Variants in CTNNA3 observed in about 807,000 individuals in gnomAD.
CTNNA3 encodes catenin alpha-3.
Under a neutral mutation model 95.7 loss-of-function variants are expected in CTNNA3, and 76 were observed. The observed-to-expected ratio is 0.79, with a 90% CI of 0.66 to 0.96. The LOEUF is 0.96. CTNNA3 is among the 40% of genes least tolerant of loss of function. CTNNA3 has a pLI of 0.00. For synonymous variants in CTNNA3, 431 were observed against 374.4 expected (o/e 1.15, Z -1.74); for missense variants, 1,191 against 1,089.8 (o/e 1.09, Z -1.31).
At chr10:67,675,303 G>A (rs1288427252) in intron 1 of CTNNA3, among the ~76,000 whole-genome samples, 4 of 152,030 alleles carry the variant, frequency 2.6e-5, no homozygotes, top group Non-Finnish European at 5.9e-5. Context: ...CTGAGGTTTA[G>A]AACTCAGTGG....
chr10:66,703,126 T>C (rs1848008762), intron 9 of CTNNA3, among the ~76,000 whole-genome samples: 1 of 152,168 alleles, frequency 6.6e-6, no homozygotes, highest in South Asian at 2.1e-4. Context: ...TTTTTCTCAG[T>C]TGGCCCACAG....
At chr10:67,558,504 G>A (rs1169177688) in intron 3 of CTNNA3, among the ~76,000 whole-genome samples, 1 of 152,202 alleles carries the variant, frequency 6.6e-6, no homozygotes, top group African/African-American at 2.4e-5. Flanking sequence ...AATGCGGCTG[G>A]CAGCCAAGAT....
chr10:67,530,056 A>G (rs559457302), intron 4 of CTNNA3, among the ~76,000 whole-genome samples: 2 of 152,290 alleles, frequency 1.3e-5, no homozygotes, highest in South Asian at 4.1e-4. Context: ...TGCTTCCACC[A>G]TGATTGTGTA....
chr10:66,832,630 CAA>C (rs1166376343), intron 7 of CTNNA3, among the ~76,000 whole-genome samples: 2 of 130,922 alleles, frequency 1.5e-5, no homozygotes, highest in Non-Finnish European at 1.7e-5. Context: ...TATCAATTTT[CAA>C]AAAAAAAAAA....
intron 1 of CTNNA3, among the ~76,000 whole-genome samples, chr10:67,734,499 G>C (rs1841292031): frequency 6.6e-6 from 1 of 152,158 alleles, no homozygotes; most frequent in South Asian, 2.1e-4. Flanking sequence ...TAACATGAAA[G>C]ATTGTACCTA....
intron 1 of CTNNA3, among the ~76,000 whole-genome samples, chr10:67,653,782 T>TCCTC (rs1452800883): frequency 3.9e-5 from 6 of 152,000 alleles, no homozygotes; most frequent in Non-Finnish European, 7.4e-5. Context: ...CCACCCCCTA[T>TCCTC]CCTCATGCTT....
At chr10:67,526,650 T>A (rs1255884536) in intron 4 of CTNNA3, among the ~76,000 whole-genome samples, 1 of 152,184 alleles carries the variant, frequency 6.6e-6, no homozygotes, top group Non-Finnish European at 1.5e-5. Flanking sequence ...TCAACAAATA[T>A]TTATCAATGA....
chr10:66,923,831 T>C (rs999804879), intron 7 of CTNNA3, among the ~76,000 whole-genome samples: 6 of 152,242 alleles, frequency 3.9e-5, no homozygotes, highest in African/African-American at 1.4e-4. Context: ...ACATAATCAG[T>C]TATACTATAT....
intron 7 of CTNNA3, among the ~76,000 whole-genome samples, chr10:67,011,973 C>A (rs1421003803): frequency 6.6e-6 from 1 of 152,152 alleles, no homozygotes; most frequent in African/African-American, 2.4e-5. Context: ...ACCAACATTA[C>A]CTCCTCTGTC....
intron 1 of CTNNA3, among the ~76,000 whole-genome samples, chr10:67,705,758 C>T (rs1351768838): frequency 6.7e-6 from 1 of 148,272 alleles, no homozygotes; most frequent in Non-Finnish European, 1.5e-5. Flanking sequence ...TGCACATGTA[C>T]CCTAAAACTT....
chr10:66,255,891 T>C (rs111877371), intron 13 of CTNNA3, among the ~76,000 whole-genome samples: 48 of 152,330 alleles, frequency 3.2e-4, no homozygotes, highest in African/African-American at 1.1e-3. Flanking sequence ...ATTTCCTTTG[T>C]TTTAACGTGG....
chr10:67,213,038 A>G (rs928903301), intron 6 of CTNNA3, among the ~76,000 whole-genome samples: 10 of 151,840 alleles, frequency 6.6e-5, no homozygotes, highest in African/African-American at 2.4e-4. Context: ...TATTCCTGGA[A>G]GGGTTTATAG....
chr10:66,428,849 A>G (rs1321280614), intron 11 of CTNNA3, among the ~76,000 whole-genome samples: 8 of 151,852 alleles, frequency 5.3e-5, no homozygotes, highest in Non-Finnish European at 5.9e-5. Flanking sequence ...AAGAACTAGA[A>G]AAGCAAGAGC....
At chr10:66,777,941 C>G (rs1840379449) in intron 7 of CTNNA3, among the ~76,000 whole-genome samples, 1 of 152,070 alleles carries the variant, frequency 6.6e-6, no homozygotes, top group African/African-American at 2.4e-5. Flanking sequence ...GCAGCAGAAG[C>G]ATACCAAACT....
chr10:67,632,246 C>A (rs1314027226), intron 2 of CTNNA3, among the ~76,000 whole-genome samples: 2 of 150,818 alleles, frequency 1.3e-5, no homozygotes, highest in East Asian at 1.9e-4. Flanking sequence ...TACATCAAAT[C>A]ATCACATCGT....
At chr10:67,173,454 T>G (rs1222586027) in intron 7 of CTNNA3, among the ~76,000 whole-genome samples, 2 of 152,248 alleles carry the variant, frequency 1.3e-5, no homozygotes, top group South Asian at 2.1e-4. Context: ...ATTTCCATTG[T>G]AAGTTGGCTT....
chr10:66,051,147 A>T (rs1468516226), intron 15 of CTNNA3, among the ~76,000 whole-genome samples: 1 of 152,124 alleles, frequency 6.6e-6, no homozygotes, highest in Non-Finnish European at 1.5e-5. Flanking sequence ...AGTGCTGAGA[A>T]TAGAGGCCTG....
chr10:67,568,469 G>C (rs1368893231), intron 3 of CTNNA3, among the ~76,000 whole-genome samples: 1 of 139,002 alleles, frequency 7.2e-6, no homozygotes, highest in Non-Finnish European at 1.5e-5. Flanking sequence ...ATATATATGT[G>C]TGTGTGTGTG....
chr10:66,970,380 G>A lies in CTNNA3; in HGVS notation c.1048-194856C>T, dbSNP rs545681459. ...CTGCATACACAGTCAGCTTCTTCTC[G>A]ATATACAGCAGATATGTAACAATTA... On this transcript the variant is annotated intron_variant, in intron 7 of 17. Coordinates refer to ENST00000433211, the MANE Select transcript of CTNNA3 (RefSeq NM_013266.4). Among the ~76,000 whole-genome samples the A allele has an allele frequency of 1.8e-4, 28 of 151,870 alleles. No homozygotes were observed. The South Asian group carries it at 4.6e-3, about 25-fold the overall frequency.
Sources: gnomAD v4.1 joint callset for allele counts (sites outside exome capture counted in the v4.1 genomes callset) on GRCh38, gnomAD v4.1.1 for gene constraint, MANE v1.5 for transcripts, NCBI Gene and HGNC (gene_info 2026-07-23, HGNC 2026-07-21) for gene names.